The following DLG2 variants were observed in gnomAD, a reference collection of about 807,000 sequenced individuals.
DLG2 encodes disks large homolog 2.
A neutral mutation model predicts 132.5 loss-of-function variants in DLG2; 45 were observed. The observed-to-expected ratio is 0.34, with a 90% CI of 0.27 to 0.44. The LOEUF (loss-of-function observed/expected upper bound fraction) is 0.44, where lower values mean the gene tolerates loss of function less well. DLG2 is among the 20% of genes least tolerant of loss of function. The probability of loss-of-function intolerance (pLI) is 1.00; values close to 1 mark genes in which losing one functional copy is unlikely to be tolerated. For missense variants in DLG2, 1,045 were observed against 1,196.9 expected (o/e 0.87, Z 1.87); for synonymous variants, 424 against 419.6 (o/e 1.01, Z -0.13).
chr11:84,063,376 C>T (rs2096621260), intron 10 of DLG2, among the ~76,000 whole-genome samples: 2 of 152,160 alleles, frequency 1.3e-5, no homozygotes, highest in South Asian at 4.1e-4. Context: ...CTATCGGTAG[C>T]CCGTATTCAA....
At chr11:84,506,774 A>G (rs2099242611) in intron 7 of DLG2, among the ~76,000 whole-genome samples, 1 of 152,198 alleles carries the variant, frequency 6.6e-6, no homozygotes. Context: ...TTATATGTGT[A>G]GTATCTGAAA....
intron 19 of DLG2, among the ~76,000 whole-genome samples, chr11:83,596,466 C>G (rs576165805): frequency 6.6e-6 from 1 of 152,166 alleles, no homozygotes; most frequent in Non-Finnish European, 1.5e-5. Flanking sequence ...GTGCTTTAAT[C>G]CAGGTCCTTC....
intron 4 of DLG2, among the ~76,000 whole-genome samples, chr11:85,241,849 T>C (rs1294266283): frequency 3.3e-5 from 5 of 151,956 alleles, no homozygotes; most frequent in African/African-American, 1.2e-4. Flanking sequence ...CCACATAGGT[T>C]TGGGTTACAA....
chr11:85,596,938 G>C (rs2079815984), intron 3 of DLG2, among the ~76,000 whole-genome samples: 1 of 152,142 alleles, frequency 6.6e-6, no homozygotes, highest in Non-Finnish European at 1.5e-5. Flanking sequence ...TTTGCACTCT[G>C]GTTTATCCTA....
chr11:84,558,626 C>T (rs992871866), intron 6 of DLG2, among the ~76,000 whole-genome samples: 6 of 152,122 alleles, frequency 3.9e-5, no homozygotes, highest in Admixed American at 3.9e-4. Context: ...ACTTCACCTT[C>T]CTTTACTTTC....
At chr11:84,987,128 G>A (rs1361634996) in intron 6 of DLG2, among the ~76,000 whole-genome samples, 2 of 152,042 alleles carry the variant, frequency 1.3e-5, no homozygotes, top group African/African-American at 4.8e-5. Flanking sequence ...GCGACCAAGT[G>A]GAGAATCAAA....
chr11:84,244,738 GA>G (rs1310987658), intron 8 of DLG2, among the ~76,000 whole-genome samples: 1 of 152,126 alleles, frequency 6.6e-6, no homozygotes, highest in Non-Finnish European at 1.5e-5. Context: ...ATGTCCATGG[GA>G]AAAACCACAA....
At chr11:84,623,684 C>T (rs1362863137) in intron 6 of DLG2, among the ~76,000 whole-genome samples, 2 of 152,076 alleles carry the variant, frequency 1.3e-5, no homozygotes, top group Non-Finnish European at 2.9e-5. Flanking sequence ...ACCTCAATTA[C>T]TTGTTTTTAA....
intron 3 of DLG2, among the ~76,000 whole-genome samples, chr11:85,482,996 A>G (rs1482350859): frequency 6.6e-6 from 1 of 152,232 alleles, no homozygotes; most frequent in African/African-American, 2.4e-5. Context: ...GATATATAAG[A>G]TTTCATAAAG....
At chr11:85,475,023 A>C (rs766674184) in intron 3 of DLG2, among the ~76,000 whole-genome samples, 1 of 151,318 alleles carries the variant, frequency 6.6e-6, no homozygotes, top group Non-Finnish European at 1.5e-5. Flanking sequence ...ATTTCTAAAA[A>C]GTTACAAAAA....
Position 84,287,105 on chromosome 11 carries a change from C to A in DLG2, c.520-35814G>T, listed in dbSNP as rs554892137. Among the ~76,000 whole-genome samples, 37 of 152,164 alleles carry A rather than the reference C, an allele frequency of 2.4e-4. No homozygotes were observed. In the South Asian group the frequency reaches 7.7e-3, roughly 32 times the overall value. On this transcript the variant is annotated intron_variant, in intron 7 of 27. Coordinates refer to ENST00000376104, the MANE Select transcript of DLG2 (RefSeq NM_001142699.3). ...TCATGCATCCAGCATAAAATAAGTA[C>A]CAAATAATAATTGTTACCTATTATC... is the stretch of plus-strand genomic sequence containing the variant.
chr11:85,493,161 C>T (rs993831262), intron 3 of DLG2, among the ~76,000 whole-genome samples: 1 of 151,912 alleles, frequency 6.6e-6, no homozygotes, highest in Non-Finnish European at 1.5e-5. Flanking sequence ...ATTAAAGTAC[C>T]CAGGAAGGTT....
intron 8 of DLG2, among the ~76,000 whole-genome samples, chr11:84,235,284 C>G (rs1167360922): frequency 2.6e-5 from 4 of 152,162 alleles, no homozygotes. Flanking sequence ...GTAGCCTGAC[C>G]ATCTTGGGCA....
intron 8 of DLG2, among the ~76,000 whole-genome samples, chr11:84,213,459 G>A (rs1380033677): frequency 6.6e-6 from 1 of 152,106 alleles, no homozygotes; most frequent in African/African-American, 2.4e-5. Context: ...TGAACTAGTA[G>A]CATTGGCATT....
At chr11:85,412,770 T>C (rs1197389924) in intron 3 of DLG2, among the ~76,000 whole-genome samples, 40 of 129,034 alleles carry the variant, frequency 3.1e-4, no homozygotes, top group African/African-American at 1.1e-3. Flanking sequence ...CATATATATA[T>C]ATATATATAT....
chr11:84,520,319 T>C (rs934415589), intron 7 of DLG2, among the ~76,000 whole-genome samples: 1 of 152,180 alleles, frequency 6.6e-6, no homozygotes, highest in Non-Finnish European at 1.5e-5. Context: ...ACATCACTCA[T>C]AGCCTTTGAT....
At chr11:84,920,057 G>C (rs1208736768) in intron 6 of DLG2, among the ~76,000 whole-genome samples, 3 of 152,162 alleles carry the variant, frequency 2.0e-5, no homozygotes, top group African/African-American at 4.8e-5. Context: ...AATGGACATT[G>C]ATTAGAAGTT....
intron 7 of DLG2, among the ~76,000 whole-genome samples, chr11:84,313,567 G>GGGA (rs2098316822): frequency 2.0e-5 from 2 of 100,516 alleles, no homozygotes; most frequent in Non-Finnish European, 4.3e-5. Flanking sequence ...GGAGGGAGGA[G>GGGA]AGAGAGAGAG....
At chr11:85,626,524 A>G (rs535407526) in intron 2 of DLG2, 63 bp downstream of exon 2, 1 of 152,346 alleles carries the variant, frequency 6.6e-6, no homozygotes, top group East Asian at 1.9e-4. Flanking sequence ...TTACTCTCAA[A>G]TGGAATATAA....
Sources: gnomAD v4.1 joint callset for allele counts (sites outside exome capture counted in the v4.1 genomes callset) on GRCh38, gnomAD v4.1.1 for gene constraint, MANE v1.5 for transcripts, NCBI Gene and HGNC (gene_info 2026-07-23, HGNC 2026-07-21) for gene names.